Variants in SCD5 observed in about 807,000 individuals in gnomAD.
SCD5 encodes the protein acyl-CoA-desaturase 4.
SCD5 carries 20 observed loss-of-function variants against 30.4 expected under a neutral mutation model. The ratio of observed to expected loss-of-function variants is 0.66; its 90% CI spans 0.46 to 0.96. The LOEUF is 0.96. Among genes scored for constraint, SCD5 ranks in the 40% least tolerant of loss-of-function variants. SCD5 has a pLI of 0.00. For missense variants in SCD5, 381 were observed against 443.3 expected, an observed-to-expected ratio of 0.86 and a Z score of 1.26; for synonymous variants, 173 against 176.4, an observed-to-expected ratio of 0.98 and a Z score of 0.16.
At position 82,629,717 on chromosome 4, in the gene SCD5, T is replaced by C. The variant is rs1329706015; in HGVS notation, c.*1610A>G. 6 of 152,226 alleles carry C rather than the reference T, an allele frequency of 3.9e-5. No individual in the cohort carries two copies. The highest frequency in any genetic ancestry group is 2.0e-4 in the Admixed American group (3 of 15,286). The allele number at this position is 152,226 out of a possible 1,614,324, so 9.4% of individuals were successfully genotyped here. On this transcript the variant is annotated 3_prime_UTR_variant, in exon 5 of 5. Coordinates refer to ENST00000319540, the MANE Select transcript of SCD5 (RefSeq NM_001037582.3). The stretch of plus-strand genomic sequence containing the variant: ...ATCCTACATCTTTTCTGAAAATATC[T>C]ATCTTCAAAGTGCTCCAATACTAAC...
chr4:82,638,057 C>A (rs141958451), intron 3 of SCD5, among the ~76,000 whole-genome samples: 5,466 of 152,110 alleles, frequency 0.036, 161 homozygotes, highest in South Asian at 0.14. Flanking sequence ...CGTGTGTTCT[C>A]ATTGTTCAGC....
rs569403617 is a variant in SCD5, at chr4:82,756,770, A to G, written c.232+41536T>C. ...CTCACCATCTCTCACTAGAACCAAC[A>G]CAACATCTCCCTCCTTGGTCTCCTT... On this transcript the variant is annotated intron_variant, in intron 1 of 4. Transcript: ENST00000319540. Among the ~76,000 whole-genome samples the G allele has an allele frequency of 1.3e-3, 193 of 150,198 alleles. 1 individual carries two copies. Among genetic ancestry groups the G allele is most frequent in the African/African-American group, 4.4e-3 (182 of 40,966 alleles).
chr4:82,636,113 G>A (rs942622699), intron 4 of SCD5, among the ~76,000 whole-genome samples: 12 of 152,090 alleles, frequency 7.9e-5, no homozygotes, highest in African/African-American at 2.2e-4. Flanking sequence ...AGCATTGCTA[G>A]TCCCATTTCA....
chr4:82,679,234 A>AAGAG (rs1560531633), intron 3 of SCD5, among the ~76,000 whole-genome samples: 1,412 of 96,244 alleles, frequency 0.015, 81 homozygotes, highest in African/African-American at 0.039. Flanking sequence ...GAAAGAAAGA[A>AAGAG]AGAAAGAAAG....
intron 1 of SCD5, among the ~76,000 whole-genome samples, chr4:82,712,143 G>A (rs765411146): frequency 6.8e-6 from 1 of 146,892 alleles, no homozygotes; most frequent in Non-Finnish European, 1.5e-5. Flanking sequence ...CAGTGATAGA[G>A]CCAGGATACA....
Position 82,660,580 on chromosome 4 carries a change from A to G in SCD5, c.569+20127T>C. 6 of 1,232,002 alleles carry G rather than the reference A, an allele frequency of 4.9e-6. No homozygotes were observed. The South Asian group carries it at 9.3e-5, about 19-fold the overall frequency. The allele number at this position is 1,232,002 out of a possible 1,614,324, so 76.3% of individuals were successfully genotyped here. On this transcript the variant is annotated intron_variant, in intron 3 of 4. Coordinates refer to ENST00000319540, the MANE Select transcript of SCD5 (RefSeq NM_001037582.3). Reference sequence around the variant, plus strand: ...TACTTTCACATATATTAACTAATGTATTCTCCCAATAATTTTGTAAGGTAG... The same window carrying G: ...TACTTTCACATATATTAACTAATGTGTTCTCCCAATAATTTTGTAAGGTAG...
chr4:82,634,513 C>T (rs1727383410), intron 4 of SCD5, among the ~76,000 whole-genome samples: 1 of 152,008 alleles, frequency 6.6e-6, no homozygotes, highest in African/African-American at 2.4e-5. Flanking sequence ...TAGTGTTTTT[C>T]CTGGATTAAA....
intron 1 of SCD5, among the ~76,000 whole-genome samples, chr4:82,730,712 A>G (rs1355243180): frequency 6.8e-6 from 1 of 147,864 alleles, no homozygotes; most frequent in African/African-American, 2.5e-5. Context: ...CAGCCTCCCG[A>G]GTAGCTGGGA....
intron 1 of SCD5, among the ~76,000 whole-genome samples, chr4:82,768,155 T>C (rs1359044332): frequency 6.6e-6 from 1 of 152,200 alleles, no homozygotes; most frequent in African/African-American, 2.4e-5. Flanking sequence ...AATTACAATT[T>C]AGTAATCAAA....
chr4:82,733,281 C>A (rs1293126992), intron 1 of SCD5, among the ~76,000 whole-genome samples: 1 of 152,148 alleles, frequency 6.6e-6, no homozygotes, highest in Non-Finnish European at 1.5e-5. Flanking sequence ...TTCACATCAG[C>A]CCCCTCCCCA....
chr4:82,644,314 G>A (rs1003391453), intron 3 of SCD5, among the ~76,000 whole-genome samples: 1 of 152,116 alleles, frequency 6.6e-6, no homozygotes, highest in Non-Finnish European at 1.5e-5. Flanking sequence ...TCTTGCTTCT[G>A]CCCCTTCTTC....
chr4:82,660,632 T>A, intron 3 of SCD5: 4 of 1,368,538 alleles, frequency 2.9e-6, no homozygotes, highest in Non-Finnish European at 3.8e-6. Context: ...GCTCTAGATG[T>A]GGAAATAGAA....
intron 1 of SCD5, among the ~76,000 whole-genome samples, chr4:82,789,899 G>C (rs543516499): frequency 1.2e-3 from 178 of 152,280 alleles, no homozygotes; most frequent in South Asian, 2.9e-3. Context: ...AGGAGGACAG[G>C]CTCTGGGTTT....
chr4:82,698,009 G>C (rs1310538351), intron 2 of SCD5: 1 of 456,604 alleles, frequency 2.2e-6, no homozygotes, highest in Non-Finnish European at 4.4e-6. Context: ...GGCATGATGT[G>C]CAAATCTCAC....
intron 1 of SCD5, among the ~76,000 whole-genome samples, chr4:82,746,560 T>A (rs535957298): frequency 6.6e-6 from 1 of 152,306 alleles, no homozygotes; most frequent in African/African-American, 2.4e-5. Flanking sequence ...GCTGTACCAA[T>A]TGATTATTGC....
chr4:82,738,337 G>T (rs1324194281), intron 1 of SCD5, among the ~76,000 whole-genome samples: 1 of 134,218 alleles, frequency 7.5e-6, no homozygotes, highest in African/African-American at 3.1e-5. Flanking sequence ...CAGGAAAATC[G>T]CTTGAACCCA....
At chr4:82,642,543 C>G (rs13127360) in intron 3 of SCD5, among the ~76,000 whole-genome samples, 3 of 152,192 alleles carry the variant, frequency 2.0e-5, no homozygotes, top group African/African-American at 7.2e-5. Context: ...GCTGACTTGC[C>G]TCTTCCAAGC....
chr4:82,715,102 T>C (rs1409835860), intron 1 of SCD5, among the ~76,000 whole-genome samples: 1 of 151,522 alleles, frequency 6.6e-6, no homozygotes, highest in Non-Finnish European at 1.5e-5. Flanking sequence ...CCGGGTGTGG[T>C]GGCACACGCC....
chr4:82,797,958 G>C (rs1293675963), intron 1 of SCD5, among the ~76,000 whole-genome samples: 1 of 152,116 alleles, frequency 6.6e-6, no homozygotes, highest in Non-Finnish European at 1.5e-5. Flanking sequence ...GATTCAGCCT[G>C]TGCCGAGCCT....
Sources: allele counts gnomAD v4.1 joint callset (sites outside exome capture counted in the v4.1 genomes callset), GRCh38; gene constraint gnomAD v4.1.1; transcripts MANE v1.5; gene names NCBI Gene and HGNC (gene_info 2026-07-23, HGNC 2026-07-21).